CD2AP: variants seen among roughly 807,000 people sequenced by gnomAD.
CD2AP encodes CD2-associated protein.
Under a neutral mutation model 85.1 loss-of-function variants are expected in CD2AP, and 46 were observed. The ratio of observed to expected loss-of-function variants is 0.54; its 90% CI spans 0.43 to 0.69. CD2AP has a LOEUF of 0.69. Among genes scored for constraint, CD2AP ranks in the 30% least tolerant of loss-of-function variants. The probability of loss-of-function intolerance (pLI) is 0.00; values close to 1 mark genes in which losing one functional copy is unlikely to be tolerated. For synonymous variants in CD2AP, 255 were observed against 252.9 expected (o/e 1.01, Z -0.08); for missense variants, 769 against 729.5 (o/e 1.05, Z -0.62).
At chr6:47,526,121 A>G (rs1465610128) in intron 2 of CD2AP, among the ~76,000 whole-genome samples, 4 of 152,188 alleles carry the variant, frequency 2.6e-5, no homozygotes, top group African/African-American at 9.7e-5. Context: ...AAGCCTTACT[A>G]ATACCTTAGG....
intron 1 of CD2AP, among the ~76,000 whole-genome samples, chr6:47,501,682 G>A (rs1033985001): frequency 2.0e-5 from 3 of 150,622 alleles, no homozygotes; most frequent in Non-Finnish European, 4.4e-5. Flanking sequence ...GTGTGTGTGT[G>A]TATTTTCTTT....
intron 8 of CD2AP, 109 bp downstream of exon 8, chr6:47,577,212 A>G: frequency 4.3e-6 from 3 of 692,284 alleles, no homozygotes; most frequent in Non-Finnish European, 5.2e-6. Flanking sequence ...GGAATCTAGA[A>G]GAGCTGGGAC....
At chr6:47,606,871 A>C (rs182760421) in intron 14 of CD2AP, among the ~76,000 whole-genome samples, 1 of 151,998 alleles carries the variant, frequency 6.6e-6, no homozygotes, top group Non-Finnish European at 1.5e-5. Context: ...ATTATTTTTG[A>C]CTAGTAGTTA....
intron 5 of CD2AP, among the ~76,000 whole-genome samples, chr6:47,566,342 A>G (rs1241847487): frequency 6.8e-6 from 1 of 147,990 alleles, no homozygotes; most frequent in African/African-American, 2.5e-5. Flanking sequence ...ACATATATAT[A>G]TATGTATGTA....
chr6:47,498,961 C>T (rs1765934994), intron 1 of CD2AP, among the ~76,000 whole-genome samples: 1 of 152,166 alleles, frequency 6.6e-6, no homozygotes, highest in African/African-American at 2.4e-5. Context: ...TGTATGGACT[C>T]ATGGCTTATT....
intron 2 of CD2AP, among the ~76,000 whole-genome samples, chr6:47,509,359 C>T (rs1353884693): frequency 2.0e-5 from 3 of 151,240 alleles, no homozygotes; most frequent in African/African-American, 4.9e-5. Flanking sequence ...AATACAGAGA[C>T]ATAAAGGGAG....
intron 13 of CD2AP, among the ~76,000 whole-genome samples, chr6:47,605,256 T>G (rs924168366): frequency 6.6e-6 from 1 of 152,040 alleles, no homozygotes; most frequent in Non-Finnish European, 1.5e-5. Context: ...AAAGGAAGGT[T>G]ATATTAAAAA....
At chr6:47,599,872 A>G (rs1473007742) in intron 13 of CD2AP, among the ~76,000 whole-genome samples, 1 of 152,028 alleles carries the variant, frequency 6.6e-6, no homozygotes, top group East Asian at 1.9e-4. Flanking sequence ...TTTTATTTCC[A>G]GTGGAGGAAA....
chr6:47,538,954 A>T (rs943764302), intron 3 of CD2AP, among the ~76,000 whole-genome samples: 1 of 152,240 alleles, frequency 6.6e-6, no homozygotes, highest in African/African-American at 2.4e-5. Context: ...TTTTAAAAAT[A>T]CTAAACTTGT....
In CD2AP at chr6:47,478,100, G is replaced by A. The variant is rs960880295; in HGVS notation, c.-145G>A. The A allele has an allele frequency of 2.8e-6, 3 of 1,057,568 alleles. No individual in the cohort carries two copies. The African/African-American group carries it at 4.8e-5, about 17-fold the overall frequency. 65.5% of individuals were successfully genotyped at this position (1,057,568 alleles called of 1,614,324 possible). ...TAGGAGAGCGCCGCGGGCGGATGGA[G>A]GCGACTCTTCGCCCCGCCTGAGCTC... On this transcript the variant is annotated 5_prime_UTR_variant, in exon 1 of 18. Transcript: ENST00000359314.
At chr6:47,482,599 C>G (rs1477043779) in intron 1 of CD2AP, among the ~76,000 whole-genome samples, 1 of 151,990 alleles carries the variant, frequency 6.6e-6, no homozygotes, top group Non-Finnish European at 1.5e-5. Flanking sequence ...AGGATGGTCT[C>G]GATCTCCTGA....
intron 2 of CD2AP, 79 bp from the exon 3 acceptor site, chr6:47,533,523 T>A: frequency 7.5e-6 from 10 of 1,340,602 alleles, no homozygotes; most frequent in Non-Finnish European, 1.0e-5. Context: ...CTGTAGCTAT[T>A]TTTTGGTATT....
At chr6:47,493,908 C>G (rs1415534001) in intron 1 of CD2AP, among the ~76,000 whole-genome samples, 2 of 152,106 alleles carry the variant, frequency 1.3e-5, no homozygotes, top group Non-Finnish European at 2.9e-5. Flanking sequence ...GCTTTTCCTT[C>G]TGTTTCTTTT....
intron 5 of CD2AP, among the ~76,000 whole-genome samples, chr6:47,560,900 T>G (rs1767842416): frequency 6.6e-6 from 1 of 152,196 alleles, no homozygotes; most frequent in Non-Finnish European, 1.5e-5. Context: ...TTACCAAAAA[T>G]GGTGATTTTC....
intron 11 of CD2AP, among the ~76,000 whole-genome samples, chr6:47,592,516 C>G (rs1308909205): frequency 6.6e-6 from 1 of 152,002 alleles, no homozygotes; most frequent in Non-Finnish European, 1.5e-5. Flanking sequence ...CACCATAGCT[C>G]CTAAAACCCT....
At chr6:47,598,511 G>T (rs1295511420) in intron 12 of CD2AP, among the ~76,000 whole-genome samples, 1 of 150,850 alleles carries the variant, frequency 6.6e-6, no homozygotes, top group Non-Finnish European at 1.5e-5. Flanking sequence ...AGATGCCCAT[G>T]AATCAACGAG....
intron 2 of CD2AP, among the ~76,000 whole-genome samples, chr6:47,516,315 G>C (rs9296560): frequency 0.61 from 93,105 of 152,066 alleles, 29,243 homozygotes; most frequent in Middle Eastern, 0.74. Flanking sequence ...TGTAATTTTT[G>C]AGGACAGAGC....
intron 17 of CD2AP, among the ~76,000 whole-genome samples, chr6:47,620,784 G>A (rs564435014): frequency 2.0e-5 from 3 of 152,090 alleles, no homozygotes; most frequent in Non-Finnish European, 4.4e-5. Context: ...GTATTCCTAA[G>A]TATTTTATTT....
chr6:47,565,257 T>C (rs1467398974), intron 5 of CD2AP, among the ~76,000 whole-genome samples: 3 of 152,162 alleles, frequency 2.0e-5, no homozygotes, highest in Non-Finnish European at 2.9e-5. Context: ...TAAATTTCTT[T>C]TAGTATTCAG....
Sources: allele counts gnomAD v4.1 joint callset (sites outside exome capture counted in the v4.1 genomes callset), GRCh38; gene constraint gnomAD v4.1.1; transcripts MANE v1.5; gene names NCBI Gene and HGNC (gene_info 2026-07-23, HGNC 2026-07-21).